The following ERBB4 variants were observed in gnomAD, a reference collection of about 807,000 sequenced individuals.
ERBB4 encodes the protein erb-b2 receptor tyrosine kinase 4.
Under a neutral mutation model 158.0 loss-of-function variants are expected in ERBB4, and 42 were observed. That is an observed-to-expected ratio of 0.27 (90% CI 0.21 to 0.34). ERBB4 has a LOEUF of 0.34. ERBB4 is among the 10% of genes least tolerant of loss of function. ERBB4 has a pLI of 1.00. For missense variants in ERBB4, 1,333 were observed against 1,624.1 expected (o/e 0.82, Z 3.08); for synonymous variants, 583 against 558.7 (o/e 1.04, Z -0.61).
chr2:211,575,616 T>C (rs2067866589), intron 19 of ERBB4, among the ~76,000 whole-genome samples: 1 of 152,224 alleles, frequency 6.6e-6, no homozygotes, highest in South Asian at 2.1e-4. Flanking sequence ...TAAAGGGAGA[T>C]ATCTACTCTG....
chr2:212,337,505 C>T (rs941394419), intron 1 of ERBB4, among the ~76,000 whole-genome samples: 6 of 152,034 alleles, frequency 3.9e-5, no homozygotes, highest in Admixed American at 6.6e-5. Flanking sequence ...AGCTCAGACC[C>T]TCTCCCATCT....
Position 211,881,114 on chromosome 2 carries a change from G to A in ERBB4, c.421+66316C>T, listed in dbSNP as rs1475160265. ...GACCAAGAGCCTAAAGAATGTCTTCGAAGCATTTTAAAAAGAAGTGAAACA... is the reference window on the plus strand; with the variant it reads ...GACCAAGAGCCTAAAGAATGTCTTCAAAGCATTTTAAAAAGAAGTGAAACA... On this transcript the variant is annotated intron_variant, in intron 3 of 27. Transcript: ENST00000342788. Among the ~76,000 whole-genome samples, 4 of 152,044 alleles carry A rather than the reference G, an allele frequency of 2.6e-5. No individual in the cohort carries two copies. The East Asian group carries it at 7.7e-4, about 29-fold the overall frequency.
intron 20 of ERBB4, among the ~76,000 whole-genome samples, chr2:211,507,590 C>T (rs2065783053): frequency 6.6e-6 from 1 of 151,942 alleles, no homozygotes; most frequent in African/African-American, 2.4e-5. Context: ...AGAAATAATC[C>T]CACATACCTA....
chr2:211,664,924 T>C (rs2071570548), intron 15 of ERBB4, among the ~76,000 whole-genome samples: 1 of 152,220 alleles, frequency 6.6e-6, no homozygotes, highest in Non-Finnish European at 1.5e-5. Flanking sequence ...CTTAAGCTTA[T>C]TGTGACAACA....
chr2:212,271,365 T>C (rs921804336), intron 1 of ERBB4, among the ~76,000 whole-genome samples: 4 of 151,778 alleles, frequency 2.6e-5, no homozygotes, highest in African/African-American at 9.7e-5. Context: ...TAGGAAAGTA[T>C]TTTTTCATAT....
Position 211,682,281 on chromosome 2 carries a change from T to A in ERBB4, c.1490-3097A>T, listed in dbSNP as rs151030385. Among the ~76,000 whole-genome samples the A allele has an allele frequency of 1.9e-3, 286 of 152,204 alleles. 1 individual carries two copies. Among genetic ancestry groups the A allele is most frequent in the African/African-American group, 6.5e-3 (268 of 41,530 alleles). The stretch of plus-strand genomic sequence containing the variant: ...AGAAGCATCAATGATGTAAGTTCCA[T>A]TCCAAGAGTAGGAGAAAGATCAATG... On this transcript the variant is annotated intron_variant, in intron 12 of 27. Coordinates refer to ENST00000342788, the MANE Select transcript of ERBB4 (RefSeq NM_005235.3).
At chr2:212,528,669 A>C (rs1473043642) in intron 1 of ERBB4, among the ~76,000 whole-genome samples, 2 of 152,206 alleles carry the variant, frequency 1.3e-5, no homozygotes, top group Admixed American at 1.3e-4. Flanking sequence ...AGTGGCCTAG[A>C]AATGTTGACA....
chr2:211,663,770 T>A (rs1189179455), intron 15 of ERBB4, among the ~76,000 whole-genome samples: 1 of 152,170 alleles, frequency 6.6e-6, no homozygotes, highest in East Asian at 1.9e-4. Context: ...ACATCAACAT[T>A]ATATTGAATA....
intron 3 of ERBB4, among the ~76,000 whole-genome samples, chr2:211,894,960 T>C (rs2079062348): frequency 6.6e-6 from 1 of 152,156 alleles, no homozygotes; most frequent in African/African-American, 2.4e-5. Context: ...AGTTAATTTG[T>C]TGCTAAGCAA....
intron 1 of ERBB4, among the ~76,000 whole-genome samples, chr2:212,252,698 T>C (rs2084583570): frequency 6.6e-6 from 1 of 152,072 alleles, no homozygotes; most frequent in Admixed American, 6.6e-5. Flanking sequence ...CCTTTTATGC[T>C]GATGATCATA....
chr2:211,560,969 A>G (rs1400923316), intron 20 of ERBB4, among the ~76,000 whole-genome samples: 1 of 152,224 alleles, frequency 6.6e-6, no homozygotes, highest in Non-Finnish European at 1.5e-5. Context: ...AAACGTATAG[A>G]TAAAAATATC....
At chr2:212,445,174 C>G (rs1012889830) in intron 1 of ERBB4, among the ~76,000 whole-genome samples, 6 of 152,034 alleles carry the variant, frequency 3.9e-5, no homozygotes, top group African/African-American at 1.4e-4. Flanking sequence ...AATTACAATG[C>G]TAACTAGGTG....
Position 211,705,364 on chromosome 2 carries a change from T to G in ERBB4, c.1152A>C (p.Ile384=). ...GAAAGACGTTCAGTTTCTCTGGGTC[T>G]ATGGCTTCAATTGCATTGTAAGGGT... ...HGDPYNAIEA[I]DPEKLNVFRT... is the part of the protein sequence containing the mutation. The change falls in exon 10 of 28, where the codon ATA becomes ATC. Residue 384 remains isoleucine (I), a synonymous_variant. Coordinates refer to ENST00000342788, the MANE Select transcript of ERBB4 (RefSeq NM_005235.3). The G allele has an allele frequency of 6.2e-7, 1 of 1,613,228 alleles. No homozygotes were observed. Among genetic ancestry groups the G allele is most frequent in the Non-Finnish European group, 8.5e-7 (1 of 1,179,166 alleles).
chr2:212,350,489 C>T (rs907588441), intron 1 of ERBB4, among the ~76,000 whole-genome samples: 13 of 151,920 alleles, frequency 8.6e-5, no homozygotes, highest in African/African-American at 3.1e-4. Flanking sequence ...GAAAGTTCTG[C>T]GTAAAAAATA....
chr2:212,094,660 G>C (rs1291312090), intron 2 of ERBB4, among the ~76,000 whole-genome samples: 1 of 152,088 alleles, frequency 6.6e-6, no homozygotes, highest in Non-Finnish European at 1.5e-5. Context: ...GTTACCTTCT[G>C]TCATGATCGA....
intron 3 of ERBB4, among the ~76,000 whole-genome samples, chr2:211,943,255 G>A (rs1253845027): frequency 2.0e-5 from 3 of 151,930 alleles, no homozygotes; most frequent in Non-Finnish European, 4.4e-5. Context: ...CCAGACTAGT[G>A]ACTAAACAAG....
chr2:211,442,586 G>T (rs1049331048), intron 20 of ERBB4, among the ~76,000 whole-genome samples: 4 of 152,034 alleles, frequency 2.6e-5, no homozygotes, highest in Admixed American at 2.0e-4. Context: ...GTTTCATGTA[G>T]AGAGTAGATA....
chr2:212,403,200 A>T (rs1003225374), intron 1 of ERBB4, among the ~76,000 whole-genome samples: 1 of 152,098 alleles, frequency 6.6e-6, no homozygotes, highest in African/African-American at 2.4e-5. Context: ...AAATTGTTAA[A>T]TGTACTTCTT....
chr2:211,659,712 G>A (rs1008835128), intron 15 of ERBB4, among the ~76,000 whole-genome samples: 1 of 152,092 alleles, frequency 6.6e-6, no homozygotes, highest in African/African-American at 2.4e-5. Context: ...AAAGCACTGT[G>A]TTACATGTCT....
Sources: gnomAD v4.1 joint callset for allele counts (sites outside exome capture counted in the v4.1 genomes callset) on GRCh38, gnomAD v4.1.1 for gene constraint, MANE v1.5 for transcripts, NCBI Gene and HGNC (gene_info 2026-07-23, HGNC 2026-07-21) for gene names.